Variants in PCDHA1 observed in about 807,000 individuals in gnomAD.
PCDHA1 encodes protocadherin alpha 1.
PCDHA1 carries 42 observed loss-of-function variants against 61.3 expected under a neutral mutation model. The observed-to-expected ratio is 0.69, with a 90% CI of 0.54 to 0.89. PCDHA1 has a LOEUF of 0.89. Among genes scored for constraint, PCDHA1 ranks in the 40% least tolerant of loss-of-function variants. The pLI is 0.00. For synonymous variants in PCDHA1, 610 were observed against 553.8 expected (o/e 1.10, Z -1.43); for missense variants, 1,256 against 1,235.3 (o/e 1.02, Z -0.25).
chr5:140,836,700 A>C, intron 1 of PCDHA1: 1 of 1,613,438 alleles, frequency 6.2e-7, no homozygotes, highest in Non-Finnish European at 8.5e-7. Context: ...CATGGCCTTC[A>C]GTCCCAGCCT....
At chr5:140,821,580 C>A in intron 1 of PCDHA1, 1 of 612,866 alleles carries the variant, frequency 1.6e-6, no homozygotes, top group Non-Finnish European at 2.6e-6. Context: ...GAAGGTTTTT[C>A]TCCCTTCCCA....
intron 1 of PCDHA1, chr5:140,927,923 CTCT>C: frequency 6.2e-7 from 1 of 1,614,232 alleles, no homozygotes; most frequent in East Asian, 2.2e-5. Context: ...GACTTCCTGA[CTCT>C]TTCGAACCCA....
chr5:140,857,681 G>A (rs2044790199), intron 1 of PCDHA1: 5 of 1,596,954 alleles, frequency 3.1e-6, no homozygotes, highest in East Asian at 4.5e-5. Context: ...GCCGCCTCTG[G>A]GCAGCAACTT....
intron 1 of PCDHA1, among the ~76,000 whole-genome samples, chr5:140,896,682 C>A (rs573518532): frequency 6.6e-6 from 1 of 152,124 alleles, no homozygotes; most frequent in African/African-American, 2.4e-5. Flanking sequence ...CGGCCCTTTG[C>A]CCATTTTTTG....
chr5:140,790,577 G>A (rs185048361), intron 1 of PCDHA1, among the ~76,000 whole-genome samples: 121 of 152,244 alleles, frequency 7.9e-4, no homozygotes, highest in African/African-American at 2.2e-3. Context: ...TTAGCATCAC[G>A]TTGCCAAGAA....
In PCDHA1 at chr5:140,834,800, T is replaced by A; in HGVS notation, c.2394+46116T>A. 3 of 1,612,758 alleles carry A rather than the reference T, an allele frequency of 1.9e-6. No homozygotes were observed. Among genetic ancestry groups the A allele is most frequent in the Non-Finnish European group, 2.5e-6 (3 of 1,179,706 alleles). On this transcript the variant is annotated intron_variant, in intron 1 of 3. Transcript: ENST00000504120. The stretch of plus-strand genomic sequence containing the variant: ...CGGTGTTCCCAGCGACACAAAGGAA[T>A]CTGTTCATCGCGGAATCCAGGCCGC...
At chr5:140,864,188 T>C (rs1367092956) in intron 1 of PCDHA1, 1 of 152,142 alleles carries the variant, frequency 6.6e-6, no homozygotes, top group Non-Finnish European at 1.5e-5. Flanking sequence ...TGAATAATGA[T>C]CCTTATGAGA....
chr5:140,807,340 C>G, intron 1 of PCDHA1: 1 of 1,613,272 alleles, frequency 6.2e-7, no homozygotes, highest in Non-Finnish European at 8.5e-7. Context: ...TCGCGCAGGA[C>G]CTGGGACTGG....
chr5:140,901,139 A>G (rs1186725760), intron 1 of PCDHA1, among the ~76,000 whole-genome samples: 1 of 151,726 alleles, frequency 6.6e-6, no homozygotes, highest in Non-Finnish European at 1.5e-5. Context: ...GATTGTAAAT[A>G]TTTTCTCTCA....
intron 1 of PCDHA1, among the ~76,000 whole-genome samples, chr5:140,917,270 T>C (rs782142831): frequency 2.6e-5 from 4 of 151,228 alleles, no homozygotes; most frequent in Admixed American, 6.6e-5. Context: ...GTTTGGTTTT[T>C]GTAATGACGC....
intron 1 of PCDHA1, among the ~76,000 whole-genome samples, chr5:140,890,587 G>T (rs2062701287): frequency 6.6e-6 from 1 of 151,988 alleles, no homozygotes; most frequent in African/African-American, 2.4e-5. Flanking sequence ...TTATTTGGAA[G>T]CCCTTTTCCG....
At chr5:140,876,607 T>C in intron 1 of PCDHA1, 1 of 1,614,186 alleles carries the variant, frequency 6.2e-7, no homozygotes, top group Non-Finnish European at 8.5e-7. Flanking sequence ...GGATCGTGAC[T>C]CTGGAGCCAA....
intron 1 of PCDHA1, among the ~76,000 whole-genome samples, chr5:140,911,657 ACTC>A (rs782570659): frequency 1.1e-4 from 16 of 151,986 alleles, no homozygotes; most frequent in Non-Finnish European, 1.6e-4. Flanking sequence ...GAGTTACTAA[ACTC>A]CTTGCCTCTC....
At chr5:140,822,191 T>C in intron 1 of PCDHA1, 1 of 1,614,246 alleles carries the variant, frequency 6.2e-7, no homozygotes, top group Non-Finnish European at 8.5e-7. Context: ...GAACAAAGAT[T>C]ATTCATTTTA....
At chr5:140,979,068 C>G in intron 2 of PCDHA1, 61 bp downstream of exon 2, 1 of 1,602,182 alleles carries the variant, frequency 6.2e-7, no homozygotes. Flanking sequence ...CTCAGATAAA[C>G]TGCATCTCCA....
intron 1 of PCDHA1, among the ~76,000 whole-genome samples, chr5:140,885,108 T>C (rs986059469): frequency 6.6e-6 from 1 of 152,226 alleles, no homozygotes; most frequent in Non-Finnish European, 1.5e-5. Flanking sequence ...AAATGCTTTT[T>C]TTAAGTGCAC....
intron 1 of PCDHA1, chr5:140,967,158 T>G (rs1586192830): frequency 6.2e-7 from 1 of 1,610,448 alleles, no homozygotes. Context: ...CCCGTGGCGG[T>G]GAGCGCCGTT....
chr5:140,851,004 AT>A (rs17844337), intron 1 of PCDHA1: 9 of 1,435,010 alleles, frequency 6.3e-6, no homozygotes, highest in Admixed American at 2.7e-5. Context: ...AATCCAGCAG[AT>A]TTTTTTTCTG....
At position 140,803,469 on chromosome 5, in the gene PCDHA1, G is replaced by A. The variant is rs781860611; in HGVS notation, c.2394+14785G>A. On this transcript the variant is annotated intron_variant, in intron 1 of 3. Coordinates refer to ENST00000504120, the MANE Select transcript of PCDHA1 (RefSeq NM_018900.4). ...ATACTCGCAGCAGAGGCAGCAGAGG[G>A]TGTGCTCTGGAGAGGGGTTGCCCAA... 5 of 1,614,112 alleles carry A rather than the reference G, an allele frequency of 3.1e-6. No homozygotes were observed. Among genetic ancestry groups the A allele is most frequent in the Non-Finnish European group, 3.4e-6 (4 of 1,180,044 alleles).
Sources: allele counts gnomAD v4.1 joint callset (sites outside exome capture counted in the v4.1 genomes callset), GRCh38; gene constraint gnomAD v4.1.1; transcripts MANE v1.5; gene names NCBI Gene and HGNC (gene_info 2026-07-23, HGNC 2026-07-21).